LARGE1: variants seen among roughly 807,000 people sequenced by gnomAD.
The protein encoded by LARGE1 is LARGE xylosyl- and glucuronyltransferase 1.
In LARGE1, 43 loss-of-function variants were observed where a neutral mutation model predicts 87.6. That is an observed-to-expected ratio of 0.49 (90% CI 0.38 to 0.63). The LOEUF is 0.63. LARGE1 is among the 30% of genes least tolerant of loss of function. LARGE1 has a pLI of 0.00. For missense variants in LARGE1, 802 were observed against 1,000.2 expected (o/e 0.80, Z 2.67); for synonymous variants, 434 against 394.6 (o/e 1.10, Z -1.18).
intron 10 of LARGE1, among the ~76,000 whole-genome samples, chr22:33,324,228 CAAAAAAAAAAAA>C (rs1161508287): frequency 1.9e-4 from 2 of 10,740 alleles, no homozygotes; most frequent in South Asian, 9.4e-3. Flanking sequence ...GACTCCATCT[CAAAAAAAAAAAA>C]AAAAAAAAAA....
At chr22:33,558,003 G>A (rs891352688) in intron 6 of LARGE1, among the ~76,000 whole-genome samples, 1 of 152,216 alleles carries the variant, frequency 6.6e-6, no homozygotes, top group African/African-American at 2.4e-5. Flanking sequence ...TGTACTAGAA[G>A]CACATCACCT....
chr22:33,203,089 CTCTCTCTCTCTCTGTGTG>C (rs950730367), intron 11 of LARGE1, among the ~76,000 whole-genome samples: 4 of 133,442 alleles, frequency 3.0e-5, no homozygotes, highest in Non-Finnish European at 4.9e-5. Flanking sequence ...CTCTCTCTCT[CTCTCTCTCTCTCTGTGTG>C]TGTGTGTGTG....
intron 6 of LARGE1, among the ~76,000 whole-genome samples, chr22:33,507,091 C>G (rs953955262): frequency 4.6e-5 from 7 of 152,120 alleles, no homozygotes; most frequent in African/African-American, 2.4e-5. Context: ...TGCTGTGATC[C>G]AAGTAAACAC....
intron 9 of LARGE1, among the ~76,000 whole-genome samples, chr22:33,370,909 T>G (rs1474130029): frequency 6.7e-6 from 1 of 149,766 alleles, no homozygotes; most frequent in Non-Finnish European, 1.5e-5. Context: ...TAACAATGAA[T>G]AGTATTCATA....
intron 11 of LARGE1, among the ~76,000 whole-genome samples, chr22:33,241,787 C>T (rs1926535618): frequency 6.6e-6 from 1 of 152,010 alleles, no homozygotes; most frequent in Non-Finnish European, 1.5e-5. Context: ...TTCTCACTCA[C>T]AAAATCTAAA....
chr22:33,565,172 A>G (rs904700883), intron 5 of LARGE1, among the ~76,000 whole-genome samples, 153 bp from the exon 6 acceptor site: 3 of 152,274 alleles, frequency 2.0e-5, no homozygotes, highest in African/African-American at 7.2e-5. Flanking sequence ...TTAAAGATTT[A>G]TATAATTTGC....
At chr22:33,917,778 C>T (rs534232073) in intron 1 of LARGE1, among the ~76,000 whole-genome samples, 2 of 152,250 alleles carry the variant, frequency 1.3e-5, no homozygotes, top group South Asian at 4.1e-4. Flanking sequence ...TGTGAGCAGG[C>T]CCATCCCTTA....
chr22:33,620,640 G>A (rs147742091), intron 4 of LARGE1, among the ~76,000 whole-genome samples: 7 of 151,930 alleles, frequency 4.6e-5, no homozygotes, highest in African/African-American at 4.8e-5. Context: ...ACAAGATTAC[G>A]CCCAGGCATG....
At chr22:33,871,620 C>T (rs1437078958) in intron 1 of LARGE1, among the ~76,000 whole-genome samples, 3 of 152,096 alleles carry the variant, frequency 2.0e-5, no homozygotes, top group Non-Finnish European at 4.4e-5. Context: ...TATTTTAAGG[C>T]TAATCTAAAC....
intron 5 of LARGE1, among the ~76,000 whole-genome samples, chr22:33,565,952 C>A (rs1455495235): frequency 6.6e-6 from 1 of 152,192 alleles, no homozygotes; most frequent in African/African-American, 2.4e-5. Flanking sequence ...AGGCCCCAAC[C>A]TAGCTGCCAT....
chr22:33,891,257 TA>T (rs1349579066), intron 1 of LARGE1, among the ~76,000 whole-genome samples: 1 of 152,228 alleles, frequency 6.6e-6, no homozygotes, highest in African/African-American at 2.4e-5. Context: ...TCTCCACCAC[TA>T]AACTTGCCCC....
At chr22:33,782,881 G>GT (rs1367825537) in intron 1 of LARGE1, among the ~76,000 whole-genome samples, 3 of 52,948 alleles carry the variant, frequency 5.7e-5, no homozygotes, top group African/African-American at 1.0e-4. Flanking sequence ...ACAAAATCAA[G>GT]TTTAAAAAAA....
chr22:33,461,219 T>G (rs2068368652), intron 6 of LARGE1, among the ~76,000 whole-genome samples: 1 of 152,144 alleles, frequency 6.6e-6, no homozygotes. Context: ...GCCCAGGAGT[T>G]GGAGGTTACA....
intron 1 of LARGE1, among the ~76,000 whole-genome samples, chr22:33,864,545 C>T (rs2064029054): frequency 6.6e-6 from 1 of 152,120 alleles, no homozygotes; most frequent in Non-Finnish European, 1.5e-5. Flanking sequence ...GTACATTTTA[C>T]CAGGCAAGAC....
intron 2 of LARGE1, among the ~76,000 whole-genome samples, chr22:33,653,160 G>A (rs923961338): frequency 2.6e-5 from 4 of 152,202 alleles, no homozygotes; most frequent in Non-Finnish European, 5.9e-5. Context: ...TTCCTCGGGA[G>A]TTACACCTTC....
intron 10 of LARGE1, among the ~76,000 whole-genome samples, chr22:33,337,092 T>G (rs985707302): frequency 2.0e-5 from 3 of 149,344 alleles, no homozygotes; most frequent in African/African-American, 7.4e-5. Flanking sequence ...TCTATGAACA[T>G]CAAATGAGAT....
intron 6 of LARGE1, among the ~76,000 whole-genome samples, chr22:33,468,756 C>T (rs959498369): frequency 2.0e-5 from 3 of 152,282 alleles, no homozygotes; most frequent in Non-Finnish European, 4.4e-5. Context: ...GGTAGAGCCA[C>T]GATTCAAATC....
chr22:33,324,261 C>CAAAAAA (rs150205490), intron 10 of LARGE1, among the ~76,000 whole-genome samples: 2 of 94,678 alleles, frequency 2.1e-5, no homozygotes, highest in African/African-American at 8.7e-5. Context: ...AAAAAAAAGC[C>CAAAAAA]AAAAAAACAA....
chr22:33,321,760 T>C (rs1392534782), intron 10 of LARGE1, among the ~76,000 whole-genome samples: 1 of 152,140 alleles, frequency 6.6e-6, no homozygotes, highest in Non-Finnish European at 1.5e-5. Flanking sequence ...AAATGGGCAT[T>C]AGTGAGTGGA....
Sources: allele counts gnomAD v4.1 joint callset (sites outside exome capture counted in the v4.1 genomes callset), GRCh38; gene constraint gnomAD v4.1.1; transcripts MANE v1.5; gene names NCBI Gene and HGNC (gene_info 2026-07-23, HGNC 2026-07-21).